The following MGAT4C variants were observed in gnomAD, a reference collection of about 807,000 sequenced individuals.
The protein encoded by MGAT4C is alpha-1,3-mannosyl-glycoprotein 4-beta-N-acetylglucosaminyltransferase C.
A neutral mutation model predicts 40.1 loss-of-function variants in MGAT4C; 19 were observed. The observed-to-expected ratio is 0.47, with a 90% CI of 0.33 to 0.70. The LOEUF is 0.70. Among genes scored for constraint, MGAT4C ranks in the 30% least tolerant of loss-of-function variants. The pLI is 0.02. For missense variants in MGAT4C, 491 were observed against 563.2 expected, an observed-to-expected ratio of 0.87 and a Z score of 1.30; for synonymous variants, 181 against 187.1, an observed-to-expected ratio of 0.97 and a Z score of 0.27.
At chr12:86,520,571 AT>A (rs1453926300) in intron 2 of MGAT4C, among the ~76,000 whole-genome samples, 3 of 152,092 alleles carry the variant, frequency 2.0e-5, no homozygotes, top group Non-Finnish European at 4.4e-5. Flanking sequence ...AATAATTTAT[AT>A]TTCTTTGGGC....
chr12:86,163,910 A>C (rs1329583902), intron 1 of MGAT4C, among the ~76,000 whole-genome samples: 2 of 152,164 alleles, frequency 1.3e-5, no homozygotes, highest in African/African-American at 4.8e-5. Context: ...CTTATTGTAA[A>C]AGACATATAT....
rs540376098 is a variant in MGAT4C at position 86,323,053 on chromosome 12, C to G, written c.-57+11012G>C. On this transcript the variant is annotated intron_variant, in intron 4 of 7. Coordinates refer to the MGAT4C transcript ENST00000548651. ...AATCCTATTGTAAAACTCTGCAACA[C>G]ATGAGGTTTGACAGATAATATAAGT... Among the ~76,000 whole-genome samples the G allele has an allele frequency of 2.4e-4, 37 of 151,256 alleles. No homozygotes were observed. In the East Asian group the frequency reaches 7.0e-3, roughly 29 times the overall value.
intron 1 of MGAT4C, among the ~76,000 whole-genome samples, chr12:86,785,037 T>TA (rs1593204900): frequency 6.6e-6 from 1 of 151,926 alleles, no homozygotes; most frequent in Non-Finnish European, 1.5e-5. Flanking sequence ...TGTTAACTGC[T>TA]AAAAAAATTC....
At chr12:86,048,310 A>G (rs555074051) in intron 2 of MGAT4C, among the ~76,000 whole-genome samples, 6 of 151,970 alleles carry the variant, frequency 3.9e-5, no homozygotes, top group African/African-American at 1.4e-4. Flanking sequence ...GGACTACTAG[A>G]GCAGAGAGTG....
At chr12:86,142,958 C>G (rs1459175369) in intron 1 of MGAT4C, among the ~76,000 whole-genome samples, 5 of 152,196 alleles carry the variant, frequency 3.3e-5, no homozygotes, top group African/African-American at 9.6e-5. Flanking sequence ...TAAGAAGAGG[C>G]TCCAGAGAAC....
intron 4 of MGAT4C, among the ~76,000 whole-genome samples, chr12:86,302,531 C>A (rs912542238): frequency 6.7e-6 from 1 of 150,370 alleles, no homozygotes. Flanking sequence ...CGGGCTAAAG[C>A]GATTCTCCTG....
intron 2 of MGAT4C, among the ~76,000 whole-genome samples, chr12:86,705,251 TATCTATCTATCTATC>T: frequency 6.6e-6 from 1 of 151,962 alleles, no homozygotes; most frequent in Non-Finnish European, 1.5e-5. Context: ...TCTATCTATC[TATCTATCTATCTATC>T]TAATTTGTCC....
chr12:86,316,463 C>G (rs1954233903), intron 4 of MGAT4C, among the ~76,000 whole-genome samples: 2 of 152,152 alleles, frequency 1.3e-5, no homozygotes, highest in Admixed American at 1.3e-4. Flanking sequence ...ATGGAATCAA[C>G]CTAGGTGCCC....
chr12:86,689,591 G>T (rs763483413), intron 2 of MGAT4C, among the ~76,000 whole-genome samples: 1 of 152,208 alleles, frequency 6.6e-6, no homozygotes, highest in Non-Finnish European at 1.5e-5. Flanking sequence ...GTCTGTTGGA[G>T]TTTGCTGGAC....
At chr12:86,025,870 C>T (rs1890197359) in intron 2 of MGAT4C, among the ~76,000 whole-genome samples, 1 of 151,756 alleles carries the variant, frequency 6.6e-6, no homozygotes, top group South Asian at 2.1e-4. Flanking sequence ...TGTTGTCTCT[C>T]TTCAAACAGT....
At chr12:86,836,406 AT>A (rs369942560) in intron 1 of MGAT4C, among the ~76,000 whole-genome samples, 2,936 of 151,216 alleles carry the variant, frequency 0.019, 91 homozygotes, top group African/African-American at 0.067. Flanking sequence ...ATACCATTAC[AT>A]TTTTTTTTGT....
At chr12:86,076,853 A>T (rs1869827100) in intron 1 of MGAT4C, among the ~76,000 whole-genome samples, 1 of 151,972 alleles carries the variant, frequency 6.6e-6, no homozygotes, top group South Asian at 2.1e-4. Context: ...CCATATCATC[A>T]CACAATAAGC....
chr12:86,176,798 G>T (rs368921664), intron 1 of MGAT4C, among the ~76,000 whole-genome samples: 1 of 146,840 alleles, frequency 6.8e-6, no homozygotes, highest in Non-Finnish European at 1.5e-5. Flanking sequence ...TTTAGGGTGA[G>T]GCCAAATTAT....
chr12:86,308,056 T>C (rs1211890393), intron 4 of MGAT4C, among the ~76,000 whole-genome samples: 2 of 150,180 alleles, frequency 1.3e-5, no homozygotes, highest in Non-Finnish European at 2.9e-5. Flanking sequence ...ATTTGTATTA[T>C]TTGTATATTT....
intron 3 of MGAT4C, among the ~76,000 whole-genome samples, chr12:86,387,501 A>T (rs1172439525): frequency 6.6e-6 from 1 of 152,112 alleles, no homozygotes; most frequent in Non-Finnish European, 1.5e-5. Flanking sequence ...TGCTTGGATT[A>T]TTTATATGTT....
At chr12:86,001,114 T>A (rs1887246882) in intron 2 of MGAT4C, among the ~76,000 whole-genome samples, 1 of 152,152 alleles carries the variant, frequency 6.6e-6, no homozygotes, top group Non-Finnish European at 1.5e-5. Flanking sequence ...TCCCTCAATA[T>A]CTGATCAAAT....
At chr12:86,442,431 C>T (rs1279142660) in intron 2 of MGAT4C, among the ~76,000 whole-genome samples, 1 of 152,150 alleles carries the variant, frequency 6.6e-6, no homozygotes, top group Non-Finnish European at 1.5e-5. Flanking sequence ...TGCCTATGTC[C>T]TGAATGGTAT....
intron 2 of MGAT4C, among the ~76,000 whole-genome samples, chr12:86,690,420 T>C (rs568978926): frequency 6.6e-6 from 1 of 152,214 alleles, no homozygotes; most frequent in Non-Finnish European, 1.5e-5. Context: ...GTTTTGTGCT[T>C]GAAACCCAGG....
At chr12:86,563,634 C>T (rs533112610) in intron 2 of MGAT4C, among the ~76,000 whole-genome samples, 5 of 152,248 alleles carry the variant, frequency 3.3e-5, no homozygotes, top group Admixed American at 2.0e-4. Context: ...CCCATCCTTC[C>T]CCAAGGAGAC....
Sources: allele counts gnomAD v4.1 joint callset (sites outside exome capture counted in the v4.1 genomes callset), GRCh38; gene constraint gnomAD v4.1.1; transcripts MANE v1.5; gene names NCBI Gene and HGNC (gene_info 2026-07-23, HGNC 2026-07-21).